KIAA0825: variants seen among roughly 807,000 people sequenced by gnomAD.
KIAA0825 encodes the protein uncharacterized protein KIAA0825.
In KIAA0825, 119 loss-of-function variants were observed where a neutral mutation model predicts 147.6. The observed-to-expected ratio is 0.81, with a 90% CI of 0.69 to 0.94. The LOEUF is 0.94. Ranked by LOEUF, KIAA0825 falls within the 40% of genes least tolerant of loss-of-function variation. The pLI is 0.00. For missense variants in KIAA0825, 1,381 were observed against 1,472.7 expected, an observed-to-expected ratio of 0.94 and a Z score of 1.02; for synonymous variants, 470 against 518.1, an observed-to-expected ratio of 0.91 and a Z score of 1.26.
intron 20 of KIAA0825, among the ~76,000 whole-genome samples, chr5:94,162,454 C>T (rs775700171): frequency 4.0e-5 from 6 of 151,798 alleles, no homozygotes; most frequent in African/African-American, 9.7e-5. Flanking sequence ...TGTGCACCAC[C>T]GTGGCCACCT....
intron 20 of KIAA0825, among the ~76,000 whole-genome samples, chr5:94,326,572 G>A (rs1456130345): frequency 6.6e-6 from 1 of 152,074 alleles, no homozygotes; most frequent in Non-Finnish European, 1.5e-5. Flanking sequence ...CAGATATGTG[G>A]TTATCTTTTC....
chr5:94,327,485 C>T (rs1780817154), intron 20 of KIAA0825, among the ~76,000 whole-genome samples: 1 of 152,060 alleles, frequency 6.6e-6, no homozygotes, highest in Non-Finnish European at 1.5e-5. Flanking sequence ...AATGAGAAAT[C>T]GTGACTTTGC....
intron 16 of KIAA0825, among the ~76,000 whole-genome samples, chr5:94,400,024 A>G (rs540972485): frequency 2.6e-5 from 4 of 152,256 alleles, no homozygotes; most frequent in Non-Finnish European, 4.4e-5. Context: ...TCAGGTTTTC[A>G]TGGCTGTCAC....
chr5:94,547,569 C>T (rs189324310), intron 2 of KIAA0825, among the ~76,000 whole-genome samples: 205 of 152,130 alleles, frequency 1.3e-3, no homozygotes, highest in Middle Eastern at 3.4e-3. Context: ...AACCCCGTCT[C>T]TACTAAAGAT....
At chr5:94,204,773 C>T (rs1772001623) in intron 20 of KIAA0825, among the ~76,000 whole-genome samples, 1 of 152,164 alleles carries the variant, frequency 6.6e-6, no homozygotes, top group South Asian at 2.1e-4. Flanking sequence ...CTCTCCTCTA[C>T]AGGGGGCAGT....
chr5:94,613,264 G>T (rs185439229), intron 1 of KIAA0825, among the ~76,000 whole-genome samples: 30 of 151,958 alleles, frequency 2.0e-4, no homozygotes, highest in Non-Finnish European at 3.2e-4. Context: ...ACATGATCTC[G>T]GTTCACTGCA....
intron 20 of KIAA0825, among the ~76,000 whole-genome samples, chr5:94,242,455 T>C (rs1388204879): frequency 2.6e-5 from 4 of 152,142 alleles, no homozygotes; most frequent in Non-Finnish European, 5.9e-5. Context: ...TCTAACACTC[T>C]TCCCACCCCA....
intron 20 of KIAA0825, among the ~76,000 whole-genome samples, chr5:94,299,450 G>A (rs562586843): frequency 6.6e-6 from 1 of 151,782 alleles, no homozygotes; most frequent in African/African-American, 2.4e-5. Context: ...CGAACTCCTG[G>A]GCTCAAGTGA....
At chr5:94,247,641 T>C (rs1369051846) in intron 20 of KIAA0825, among the ~76,000 whole-genome samples, 1 of 152,138 alleles carries the variant, frequency 6.6e-6, no homozygotes, top group Non-Finnish European at 1.5e-5. Flanking sequence ...TCTGTCCAAC[T>C]CCATCACTAG....
At chr5:94,384,148 A>G (rs576372269) in intron 20 of KIAA0825, among the ~76,000 whole-genome samples, 1 of 152,326 alleles carries the variant, frequency 6.6e-6, no homozygotes, top group African/African-American at 2.4e-5. Flanking sequence ...AATTTTTACT[A>G]TAGAGAATGG....
At chr5:94,174,231 G>A (rs1276479397) in intron 20 of KIAA0825, among the ~76,000 whole-genome samples, 1 of 152,106 alleles carries the variant, frequency 6.6e-6, no homozygotes. Flanking sequence ...TTTAACCAAT[G>A]GAAGTCTAAG....
chr5:94,182,313 G>GC (rs1283935289), intron 20 of KIAA0825, among the ~76,000 whole-genome samples: 1 of 115,890 alleles, frequency 8.6e-6, no homozygotes, highest in East Asian at 2.9e-4. Flanking sequence ...GGGCTGGAGT[G>GC]CAGTGGCATG....
chr5:94,295,056 C>T (rs1428977681), intron 20 of KIAA0825, among the ~76,000 whole-genome samples: 4 of 152,062 alleles, frequency 2.6e-5, no homozygotes, highest in Non-Finnish European at 4.4e-5. Flanking sequence ...TCTGGTACAC[C>T]AATCAAACGT....
chr5:94,599,066 A>G (rs1476384111), intron 1 of KIAA0825, among the ~76,000 whole-genome samples: 2 of 152,086 alleles, frequency 1.3e-5, no homozygotes, highest in East Asian at 3.8e-4. Flanking sequence ...GTTTTCTATC[A>G]TGATTGTACT....
chr5:94,580,726 A>G (rs1411391425), intron 2 of KIAA0825, among the ~76,000 whole-genome samples: 2 of 100,072 alleles, frequency 2.0e-5, no homozygotes, highest in African/African-American at 4.8e-5. Context: ...AATACAAAAA[A>G]TTAGCCGGGC....
intron 20 of KIAA0825, among the ~76,000 whole-genome samples, chr5:94,290,427 T>G (rs1259953896): frequency 6.6e-6 from 1 of 152,174 alleles, no homozygotes; most frequent in Non-Finnish European, 1.5e-5. Flanking sequence ...GAATGATGGT[T>G]TACAGCTTCA....
chr5:94,455,103 G>C (rs1758927728), intron 12 of KIAA0825, among the ~76,000 whole-genome samples: 1 of 152,148 alleles, frequency 6.6e-6, no homozygotes, highest in African/African-American at 2.4e-5. Context: ...GCACATACAA[G>C]AGCTGTCTGG....
chr5:94,547,715 C>T (rs986455897), intron 2 of KIAA0825, among the ~76,000 whole-genome samples: 61 of 134,722 alleles, frequency 4.5e-4, no homozygotes, highest in Admixed American at 1.1e-3. Context: ...CCAGCCTGCA[C>T]GACAGGGTAA....
intron 13 of KIAA0825, among the ~76,000 whole-genome samples, chr5:94,447,629 T>C (rs1757899877): frequency 6.6e-6 from 1 of 152,158 alleles, no homozygotes; most frequent in African/African-American, 2.4e-5. Context: ...AGAACATTTT[T>C]TGAATGCATT....
Sources: gnomAD v4.1 joint callset for allele counts (sites outside exome capture counted in the v4.1 genomes callset) on GRCh38, gnomAD v4.1.1 for gene constraint, MANE v1.5 for transcripts, NCBI Gene and HGNC (gene_info 2026-07-23, HGNC 2026-07-21) for gene names.